Variants in PFN2 observed in about 807,000 individuals in gnomAD.
PFN2 encodes the protein profilin-2.
Under a neutral mutation model 15.3 loss-of-function variants are expected in PFN2, and 8 were observed. That is an observed-to-expected ratio of 0.52 (90% CI 0.31 to 0.95). The LOEUF (loss-of-function observed/expected upper bound fraction) is 0.95, where lower values mean the gene tolerates loss of function less well. Ranked by LOEUF, PFN2 falls within the 40% of genes least tolerant of loss-of-function variation. PFN2 has a pLI of 0.05. For synonymous variants in PFN2, 79 were observed against 67.9 expected (o/e 1.16, Z -0.81); for missense variants, 111 against 182.3 (o/e 0.61, Z 2.25).
chr3:149,966,199 G>A lies in PFN2; in HGVS notation c.*290C>T, dbSNP rs1166304418. The stretch of plus-strand genomic sequence containing the variant: ...TCAGACCTCCTCAGGTATAAAGCGA[G>A]TTCATATGCTTTCTTGTTAAGTGTG... On this transcript the variant is annotated 3_prime_UTR_variant, in exon 3 of 3. Transcript: ENST00000239940. 1 of 1,613,732 alleles carries A rather than the reference G, an allele frequency of 6.2e-7. No individual in the cohort carries two copies. Among genetic ancestry groups the A allele is most frequent in the Non-Finnish European group, 8.5e-7 (1 of 1,179,684 alleles).
chr3:149,970,152 A>T (rs1722810670), intron 1 of PFN2, among the ~76,000 whole-genome samples: 1 of 152,052 alleles, frequency 6.6e-6, no homozygotes, highest in South Asian at 2.1e-4. Context: ...AGAGGCCTGG[A>T]CATCGGTAAA....
At position 149,966,220 on chromosome 3, in the gene PFN2, G is replaced by C; in HGVS notation, c.*269C>G. 1.2e-6 allele frequency: 2 copies of C among 1,613,708 alleles called. No homozygotes were observed. Among genetic ancestry groups the C allele is most frequent in the Non-Finnish European group, 1.7e-6 (2 of 1,179,712 alleles). On this transcript the variant is annotated 3_prime_UTR_variant, in exon 3 of 3. Coordinates refer to ENST00000239940, the MANE Select transcript of PFN2 (RefSeq NM_053024.4). ...GCGAGTTCATATGCTTTCTTGTTAA[G>C]TGTGCCTCCGTGGACACCTTCCTTT...
intron 2 of PFN2, 46 bp downstream of exon 2, chr3:149,968,312 G>A (rs1465022935): frequency 6.6e-7 from 1 of 1,521,140 alleles, no homozygotes; most frequent in Non-Finnish European, 9.1e-7. Flanking sequence ...TGCTTAATAA[G>A]TTGTAATGTG....
Position 149,965,833 on chromosome 3 carries a change from C to G in PFN2, c.*656G>C. ...CTCAAAGTGCTGAAAAGACACTGATCAGAGATTGTACAACCGGCACCTTGC... is the reference window on the plus strand; with the variant it reads ...CTCAAAGTGCTGAAAAGACACTGATGAGAGATTGTACAACCGGCACCTTGC... On this transcript the variant is annotated 3_prime_UTR_variant, in exon 3 of 3. Transcript: ENST00000239940. The G allele has an allele frequency of 6.2e-6, 7 of 1,120,850 alleles. No homozygotes were observed. The highest frequency in any genetic ancestry group is 5.5e-6 in the Non-Finnish European group (5 of 915,502). 69.4% of individuals were successfully genotyped at this position (1,120,850 alleles called of 1,614,324 possible).
chr3:149,965,120 A>C lies in PFN2; in HGVS notation c.*1369T>G. 1 of 870,320 alleles carries C rather than the reference A, an allele frequency of 1.1e-6. No individual in the cohort carries two copies. The highest frequency in any genetic ancestry group is 1.7e-6 in the Non-Finnish European group (1 of 585,582). The allele number at this position is 870,320 out of a possible 1,614,324, so 53.9% of individuals were successfully genotyped here. A position where few individuals can be genotyped will look rare whatever the true frequency, so the allele number is the denominator to read the frequency against. On this transcript the variant is annotated 3_prime_UTR_variant, in exon 3 of 3. Transcript: ENST00000239940. Reference sequence around the variant, plus strand: ...TAGAAGCAAATACTAGAATGTCCCTAAAGTAGTGCCATTCGAAAGAAACCC... The same window carrying C: ...TAGAAGCAAATACTAGAATGTCCCTCAAGTAGTGCCATTCGAAAGAAACCC...
Position 149,968,511 on chromosome 3 carries a change from C to A in PFN2, c.172G>T (p.Gly58Cys). 1.2e-6 allele frequency: 2 copies of A among 1,613,676 alleles called. No individual in the cohort carries two copies. Among genetic ancestry groups the A allele is most frequent in the Non-Finnish European group, 1.7e-6 (2 of 1,179,926 alleles). ...IDMIVGKDRE[G>C]FFTNGLTLGA... The stretch of plus-strand genomic sequence containing the variant: ...AGAGTCAAACCGTTGGTAAAGAAAC[C>A]TTCCCGGTCTTTTCCTACAATCATA... Residue 58 changes from glycine to cysteine, a missense_variant, in exon 2 of 3, where the codon GGT becomes TGT. Gly to Cys is a radical substitution (Grantham distance 159, BLOSUM62 -3). Coordinates refer to ENST00000239940, the MANE Select transcript of PFN2 (RefSeq NM_053024.4).
At position 149,966,236 on chromosome 3, in the gene PFN2, A is replaced by C. The variant is rs1270459728; in HGVS notation, c.*253T>G. On this transcript the variant is annotated 3_prime_UTR_variant, in exon 3 of 3. Coordinates refer to ENST00000239940, the MANE Select transcript of PFN2 (RefSeq NM_053024.4). ...TCTTGTTAAGTGTGCCTCCGTGGACACCTTCCTTTCCCATGACTATAACCA... is the reference window on the plus strand; with the variant it reads ...TCTTGTTAAGTGTGCCTCCGTGGACCCCTTCCTTTCCCATGACTATAACCA... 3.1e-6 allele frequency: 5 copies of C among 1,613,328 alleles called. No individual in the cohort carries two copies. Among genetic ancestry groups the C allele is most frequent in the Non-Finnish European group, 4.2e-6 (5 of 1,179,642 alleles).
intron 1 of PFN2, 69 bp from the exon 2 acceptor site, chr3:149,968,619 T>C: frequency 7.4e-7 from 1 of 1,351,478 alleles, no homozygotes; most frequent in South Asian, 1.3e-5. Flanking sequence ...CTTTTAGGGC[T>C]TGATGTAACA....
intron 1 of PFN2, among the ~76,000 whole-genome samples, chr3:149,970,046 AT>A (rs1287409343): frequency 6.7e-6 from 1 of 150,346 alleles, no homozygotes; most frequent in Admixed American, 6.6e-5. Flanking sequence ...ATCTTGGAGA[AT>A]TTAAAAAAAA....
chr3:149,969,426 C>T (rs941707156), intron 1 of PFN2, among the ~76,000 whole-genome samples: 13 of 152,202 alleles, frequency 8.5e-5, no homozygotes, highest in Non-Finnish European at 1.9e-4. Flanking sequence ...CTCCCGCAAT[C>T]TTCCTAGTCA....
Position 149,965,058 on chromosome 3 carries a change from T to C in PFN2, c.*1431A>G, listed in dbSNP as rs1392914294. ...ATGGACAAATCAGCAACAAGATTTG[T>C]TTTTAAATCTGTACATTATCCACAA... On this transcript the variant is annotated 3_prime_UTR_variant, in exon 3 of 3. Coordinates refer to ENST00000239940, the MANE Select transcript of PFN2 (RefSeq NM_053024.4). 3 of 553,260 alleles carry C rather than the reference T, an allele frequency of 5.4e-6. No homozygotes were observed. Among genetic ancestry groups the C allele is most frequent in the Non-Finnish European group, 9.2e-6 (3 of 325,052 alleles). The allele number at this position is 553,260 out of a possible 1,614,324, so 34.3% of individuals were successfully genotyped here.
At chr3:149,967,786 G>A (rs1183771650) in intron 2 of PFN2, among the ~76,000 whole-genome samples, 4 of 152,134 alleles carry the variant, frequency 2.6e-5, no homozygotes, top group Non-Finnish European at 5.9e-5. Context: ...CAAACTAAAT[G>A]TAATTTCCTA....
chr3:149,969,270 T>C (rs897112109), intron 1 of PFN2, among the ~76,000 whole-genome samples: 1 of 151,468 alleles, frequency 6.6e-6, no homozygotes, highest in African/African-American at 2.4e-5. Context: ...ACAGAAAAAA[T>C]GGAGGGAGAT....
At chr3:149,970,140 C>T (rs1286072524) in intron 1 of PFN2, among the ~76,000 whole-genome samples, 1 of 152,152 alleles carries the variant, frequency 6.6e-6, no homozygotes, top group Admixed American at 6.5e-5. Context: ...CTCGCAAGCC[C>T]CAGAGGCCTG....
chr3:149,969,669 G>C (rs1040792626), intron 1 of PFN2, among the ~76,000 whole-genome samples: 1 of 152,184 alleles, frequency 6.6e-6, no homozygotes, highest in African/African-American at 2.4e-5. Context: ...GGAGCGTGGT[G>C]CTAAGAAATA....
At chr3:149,967,218 T>C (rs1333798755) in intron 2 of PFN2, among the ~76,000 whole-genome samples, 4 of 152,228 alleles carry the variant, frequency 2.6e-5, no homozygotes, top group Non-Finnish European at 5.9e-5. Context: ...TCTTCTATGA[T>C]GCAATTCAAA....
chr3:149,965,236 A>G lies in PFN2; in HGVS notation c.*1253T>C, dbSNP rs1446787854. 3 of 1,528,912 alleles carry G rather than the reference A, an allele frequency of 2.0e-6. No individual in the cohort carries two copies. The highest frequency in any genetic ancestry group is 1.5e-5 in the African/African-American group (1 of 68,494). The allele number at this position is 1,528,912 out of a possible 1,614,324, so 94.7% of individuals were successfully genotyped here. On this transcript the variant is annotated 3_prime_UTR_variant, in exon 3 of 3. Coordinates refer to ENST00000239940, the MANE Select transcript of PFN2 (RefSeq NM_053024.4). The stretch of plus-strand genomic sequence containing the variant: ...AATACATATGAAAAAAATTCATCAC[A>G]AGACAGCCAAGTCCACAATAATGCA...
At position 149,970,770 on chromosome 3, in the gene PFN2, T is replaced by C. The variant is rs11559019; in HGVS notation, c.87A>G (p.Lys29=). 6.6e-7 allele frequency: 1 copy of C among 1,519,124 alleles called. No individual in the cohort carries two copies. The highest frequency in any genetic ancestry group is 1.4e-5 in the African/African-American group (1 of 70,366). 94.1% of individuals were successfully genotyped at this position (1,519,124 alleles called of 1,614,324 possible). ...EAAIVGYCDA[K]YVWAATAGGV... ...CCCCGGCCGTGGCTGCCCAGACGTA[T>C]TTGGCGTCGCAGTAGCCGACAATGG... Residue 29 remains lysine (K), a synonymous_variant, in exon 1 of 3, where the codon AAA becomes AAG. Transcript: ENST00000239940.
At position 149,970,694 on chromosome 3, in the gene PFN2, G is replaced by A. The variant is rs370218022; in HGVS notation, c.132+31C>T. 1.8e-3 allele frequency: 2,671 copies of A among 1,488,598 alleles called. 5 individuals carry two copies. Among genetic ancestry groups the A allele is most frequent in the Non-Finnish European group, 2.2e-3 (2,480 of 1,113,294 alleles). 92.2% of individuals were successfully genotyped at this position (1,488,598 alleles called of 1,614,324 possible). A position where few individuals can be genotyped will look rare whatever the true frequency, so the allele number is the denominator to read the frequency against. Reference sequence around the variant, plus strand: ...GCCGGCCACCCCGCTCCGGTGCAGGGACCAGGGTACCGGCCGCCACTGGTC... The same window carrying A: ...GCCGGCCACCCCGCTCCGGTGCAGGAACCAGGGTACCGGCCGCCACTGGTC... On this transcript the variant is annotated intron_variant, in intron 1 of 2. Transcript: ENST00000239940.
Sources: allele counts gnomAD v4.1 joint callset (sites outside exome capture counted in the v4.1 genomes callset), GRCh38; gene constraint gnomAD v4.1.1; transcripts MANE v1.5; gene names NCBI Gene and HGNC (gene_info 2026-07-23, HGNC 2026-07-21).